TCF7L2: variants seen among roughly 807,000 people sequenced by gnomAD.
The protein encoded by TCF7L2 is transcription factor 7 like 2.
TCF7L2 carries 23 observed loss-of-function variants against 77.9 expected under a neutral mutation model. That is an observed-to-expected ratio of 0.30 (90% confidence interval 0.21 to 0.42). The LOEUF is 0.42. TCF7L2 is among the 10% of genes least tolerant of loss of function. The probability of loss-of-function intolerance (pLI) is 1.00; values close to 1 mark genes in which losing one functional copy is unlikely to be tolerated. For missense variants in TCF7L2, 654 were observed against 793.1 expected, an observed-to-expected ratio of 0.82 and a Z score of 2.11; for synonymous variants, 413 against 340.2, an observed-to-expected ratio of 1.21 and a Z score of -2.36.
At chr10:113,036,218 T>A (rs2051217687) in intron 4 of TCF7L2, among the ~76,000 whole-genome samples, 1 of 151,840 alleles carries the variant, frequency 6.6e-6, no homozygotes, top group South Asian at 2.1e-4. Context: ...GAGCCCCCAG[T>A]AGCAGCTGTA....
chr10:113,043,668 A>G (rs1337385161), intron 5 of TCF7L2, among the ~76,000 whole-genome samples: 3 of 152,002 alleles, frequency 2.0e-5, no homozygotes, highest in African/African-American at 7.3e-5. Context: ...CACAAGTTCC[A>G]AGACACCCCC....
intron 5 of TCF7L2, among the ~76,000 whole-genome samples, chr10:113,092,072 T>C (rs2060465141): frequency 6.6e-6 from 1 of 152,174 alleles, no homozygotes; most frequent in Non-Finnish European, 1.5e-5. Context: ...AGGAGGTAGA[T>C]AAAGGAACCA....
intron 4 of TCF7L2, among the ~76,000 whole-genome samples, chr10:112,971,244 CG>C (rs2038174027): frequency 2.6e-5 from 4 of 152,122 alleles, no homozygotes; most frequent in African/African-American, 7.2e-5. Flanking sequence ...ATAAACACCC[CG>C]TTCCCAAACT....
chr10:113,097,646 G>GAAAAAAAAAAAAAACAAAAAAAAA (rs2061154254), intron 5 of TCF7L2, among the ~76,000 whole-genome samples: 1 of 36,742 alleles, frequency 2.7e-5, no homozygotes, highest in African/African-American at 1.1e-4. Context: ...TCTTGTCTCG[G>GAAAAAAAAAAAAAACAAAAAAAAA]AAAAAAAAAA....
chr10:113,103,503 T>C (rs118053757), intron 5 of TCF7L2, among the ~76,000 whole-genome samples: 1 of 152,254 alleles, frequency 6.6e-6, no homozygotes, highest in East Asian at 1.9e-4. Context: ...TTTGGTAGAA[T>C]GATTAACAGG....
At chr10:112,961,154 C>T (rs2134464540) in intron 3 of TCF7L2, among the ~76,000 whole-genome samples, 1 of 151,654 alleles carries the variant, frequency 6.6e-6, no homozygotes, top group Non-Finnish European at 1.5e-5. Context: ...GCTGGGATTA[C>T]AGGAATGCGC....
intron 4 of TCF7L2, among the ~76,000 whole-genome samples, chr10:112,966,128 T>A (rs2036718907): frequency 6.7e-6 from 1 of 148,212 alleles, no homozygotes; most frequent in Non-Finnish European, 1.5e-5. Context: ...TGAGCCGAGA[T>A]CACGCCACTG....
intron 5 of TCF7L2, among the ~76,000 whole-genome samples, chr10:113,098,269 C>G (rs1247810070): frequency 6.6e-6 from 1 of 152,074 alleles, no homozygotes; most frequent in Non-Finnish European, 1.5e-5. Context: ...AGATCCAGGT[C>G]TCCGTTGGGG....
intron 4 of TCF7L2, among the ~76,000 whole-genome samples, chr10:113,025,151 G>A (rs1275315846): frequency 2.6e-5 from 4 of 151,252 alleles, no homozygotes; most frequent in Non-Finnish European, 2.9e-5. Flanking sequence ...ATGACCTCCT[G>A]GGCTCAAGTG....
chr10:113,089,330 G>A (rs2135610959), intron 5 of TCF7L2: 2 of 1,536,624 alleles, frequency 1.3e-6, no homozygotes, highest in South Asian at 1.3e-5. Context: ...GCTGGGGGCT[G>A]TGTGTGCCTT....
Position 113,022,177 on chromosome 10 carries a change from C to T in TCF7L2, c.451-17848C>T, listed in dbSNP as rs2048359613. On this transcript the variant is annotated intron_variant, in intron 4 of 13. Transcript: ENST00000627217. ...TTGGGATGATGATTTCGTGTGGTTT[C>T]TTGGTAGCCCTTGGGCAGCTGCTGC... 3.3e-5 allele frequency among the ~76,000 whole-genome samples: 5 copies of T among 152,148 alleles called. No homozygotes were observed. The South Asian group carries it at 1.0e-3, about 32-fold the overall frequency.
intron 5 of TCF7L2, among the ~76,000 whole-genome samples, chr10:113,118,442 ATTTGGGTTTTGAATGACAGACTT>A (rs2136231468): frequency 6.6e-6 from 1 of 152,016 alleles, no homozygotes; most frequent in Admixed American, 6.5e-5. Context: ...CCATAAAAAC[ATTTGGGTTTTGAATGACAGACTT>A]TGTTGCCTTT....
chr10:113,120,686 A>G (rs1441994180), intron 5 of TCF7L2, among the ~76,000 whole-genome samples: 17 of 152,190 alleles, frequency 1.1e-4, no homozygotes, highest in Admixed American at 1.1e-3. Flanking sequence ...ACCGAGCACA[A>G]GAAAATTTAC....
chr10:113,114,390 C>T (rs766797648), intron 5 of TCF7L2, among the ~76,000 whole-genome samples: 7 of 151,950 alleles, frequency 4.6e-5, no homozygotes, highest in African/African-American at 1.5e-4. Context: ...TTTTGCATCT[C>T]GATCAGAAGC....
chr10:113,002,192 T>C (rs1441300762), intron 4 of TCF7L2, among the ~76,000 whole-genome samples: 2 of 152,222 alleles, frequency 1.3e-5, no homozygotes, highest in Non-Finnish European at 2.9e-5. Flanking sequence ...TGGCAAACCC[T>C]GATCCAGATG....
chr10:112,996,062 A>C (rs890210921), intron 4 of TCF7L2, among the ~76,000 whole-genome samples: 1 of 152,138 alleles, frequency 6.6e-6, no homozygotes. Flanking sequence ...TCATTAACTC[A>C]TTTACAGCTT....
intron 5 of TCF7L2, among the ~76,000 whole-genome samples, chr10:113,135,180 G>C (rs927956564): frequency 6.6e-6 from 1 of 152,182 alleles, no homozygotes; most frequent in African/African-American, 2.4e-5. Context: ...GAGGAACAGC[G>C]TCTGGATGGG....
intron 5 of TCF7L2, among the ~76,000 whole-genome samples, chr10:113,107,822 C>CT (rs1239945916): frequency 2.1e-5 from 3 of 144,408 alleles, no homozygotes; most frequent in Non-Finnish European, 3.0e-5. Context: ...GGAAATAATG[C>CT]TTTTGGGTCC....
chr10:112,969,519 C>T (rs971521790), intron 4 of TCF7L2, among the ~76,000 whole-genome samples: 4 of 152,162 alleles, frequency 2.6e-5, no homozygotes, highest in African/African-American at 9.7e-5. Flanking sequence ...CTTGGAGGGG[C>T]ATGGGGTAAA....
Sources: gnomAD v4.1 joint callset for allele counts (sites outside exome capture counted in the v4.1 genomes callset) on GRCh38, gnomAD v4.1.1 for gene constraint, MANE v1.5 for transcripts, NCBI Gene and HGNC (gene_info 2026-07-23, HGNC 2026-07-21) for gene names.